Variants in PCDH15 observed in about 807,000 individuals in gnomAD.
PCDH15 encodes the protein protocadherin-15.
Under a neutral mutation model 178.5 loss-of-function variants are expected in PCDH15, and 129 were observed. That is an observed-to-expected ratio of 0.72 (90% CI 0.63 to 0.84). The LOEUF (loss-of-function observed/expected upper bound fraction) is 0.84, where lower values mean the gene tolerates loss of function less well. PCDH15 is among the 40% of genes least tolerant of loss of function. The pLI is 0.00. For synonymous variants in PCDH15, 800 were observed against 732.0 expected (o/e 1.09, Z -1.50); for missense variants, 2,230 against 2,099.9 (o/e 1.06, Z -1.21).
intron 2 of PCDH15, among the ~76,000 whole-genome samples, chr10:54,970,614 C>T (rs1004493872): frequency 2.0e-5 from 1 of 50,238 alleles, no homozygotes. Flanking sequence ...ATGGAAAATT[C>T]CCTTAAAAAA....
intron 9 of PCDH15, among the ~76,000 whole-genome samples, chr10:54,219,274 CAA>C (rs995053736): frequency 1.1e-4 from 5 of 45,176 alleles, no homozygotes; most frequent in Non-Finnish European, 1.3e-4. Context: ...GACTTTGTCT[CAA>C]AAAAAAAAAA....
chr10:54,924,572 T>G lies in PCDH15; in HGVS notation c.-79-27072A>C, dbSNP rs1246773256. Among the ~76,000 whole-genome samples the G allele has an allele frequency of 5.7e-5, 5 of 88,080 alleles. 2 individuals carry two copies. The highest frequency in any genetic ancestry group is 1.6e-4 in the Non-Finnish European group (5 of 30,534). 57.8% of individuals were successfully genotyped at this position (88,080 alleles called of 152,430 possible). A position where few individuals can be genotyped will look rare whatever the true frequency, so the allele number is the denominator to read the frequency against. ...TTACACTCCCCCCATAGCATATAAG[T>G]GTTCTTTTTTCTCCACAACCTCATT... On this transcript the variant is annotated intron_variant, in intron 2 of 5. Coordinates refer to the PCDH15 transcript ENST00000458638.
At chr10:54,051,977 G>A (rs1026556765) in intron 18 of PCDH15, among the ~76,000 whole-genome samples, 1 of 152,220 alleles carries the variant, frequency 6.6e-6, no homozygotes, top group Non-Finnish European at 1.5e-5. Flanking sequence ...AGCCTTGGCC[G>A]CTTACATGTG....
chr10:54,286,034 A>G (rs910005561), intron 8 of PCDH15, among the ~76,000 whole-genome samples: 1 of 152,226 alleles, frequency 6.6e-6, no homozygotes, highest in Non-Finnish European at 1.5e-5. Flanking sequence ...CAGTTGCTAG[A>G]GACTGAGAAG....
chr10:54,747,179 C>T (rs1440531275), intron 1 of PCDH15, among the ~76,000 whole-genome samples: 1 of 152,136 alleles, frequency 6.6e-6, no homozygotes, highest in Non-Finnish European at 1.5e-5. Flanking sequence ...TTTTTACAAA[C>T]TGTTTAGGTA....
At chr10:54,449,853 G>A (rs1455092733) in intron 3 of PCDH15, among the ~76,000 whole-genome samples, 1 of 151,676 alleles carries the variant, frequency 6.6e-6, no homozygotes, top group Non-Finnish European at 1.5e-5. Flanking sequence ...TAGGGCGGCA[G>A]GTCCTGGAAT....
At chr10:54,602,765 C>T (rs115628575) in intron 2 of PCDH15, among the ~76,000 whole-genome samples, 1,911 of 152,026 alleles carry the variant, frequency 0.013, 42 homozygotes, top group African/African-American at 0.044. Context: ...TAGTGTATCA[C>T]ATTGAATGAC....
chr10:54,251,413 T>G (rs2056461097), intron 8 of PCDH15, among the ~76,000 whole-genome samples: 1 of 152,238 alleles, frequency 6.6e-6, no homozygotes, highest in Non-Finnish European at 1.5e-5. Context: ...TTACTTCTCC[T>G]GGTTTATTAA....
At chr10:53,810,530 T>G (rs1316952602) in intron 37 of PCDH15, 26 bp downstream of exon 37, 2 of 1,587,972 alleles carry the variant, frequency 1.3e-6, no homozygotes, top group African/African-American at 2.7e-5. Flanking sequence ...GAATATTATC[T>G]TACATAATAA....
chr10:54,574,797 T>C (rs2090269038), intron 2 of PCDH15, among the ~76,000 whole-genome samples: 1 of 148,546 alleles, frequency 6.7e-6, no homozygotes, highest in South Asian at 2.2e-4. Flanking sequence ...ATCCCATTAC[T>C]GGGTATATAC....
chr10:53,822,840 T>G, intron 32 of PCDH15: 1 of 1,614,116 alleles, frequency 6.2e-7, no homozygotes, highest in Non-Finnish European at 8.5e-7. Flanking sequence ...ATTTGCCTCT[T>G]CAGTTGTAAG....
intron 2 of PCDH15, among the ~76,000 whole-genome samples, chr10:55,095,548 A>T (rs1842428875): frequency 6.6e-6 from 1 of 152,076 alleles, no homozygotes; most frequent in African/African-American, 2.4e-5. Flanking sequence ...ACCTCAAAAT[A>T]AACCCAGCTG....
At chr10:54,556,525 G>A (rs1316633166) in intron 2 of PCDH15, among the ~76,000 whole-genome samples, 1 of 151,470 alleles carries the variant, frequency 6.6e-6, no homozygotes, top group African/African-American at 2.4e-5. Flanking sequence ...AGAAGAAAAT[G>A]CACTATTTAG....
At chr10:54,146,952 A>ATATATATATAATGTATATATATAGTG (rs1564530659) in intron 14 of PCDH15, among the ~76,000 whole-genome samples, 3,720 of 98,588 alleles carry the variant, frequency 0.038, 454 homozygotes, top group African/African-American at 0.12. Context: ...TATATAGTGT[A>ATATATATATAATGTATATATATAGTG]TATATATATA....
chr10:54,268,792 G>A (rs1385539708), intron 8 of PCDH15, among the ~76,000 whole-genome samples: 3 of 151,774 alleles, frequency 2.0e-5, no homozygotes, highest in Admixed American at 1.3e-4. Context: ...CACACACAGA[G>A]AACAATTTTG....
At chr10:54,261,767 A>C (rs2057334089) in intron 8 of PCDH15, among the ~76,000 whole-genome samples, 1 of 152,206 alleles carries the variant, frequency 6.6e-6, no homozygotes, top group African/African-American at 2.4e-5. Flanking sequence ...GAAAGTAAAA[A>C]GGAAAAATAG....
Position 55,284,781 on chromosome 10 carries a change from T to A in PCDH15, c.-156+34818A>T, listed in dbSNP as rs148459828. ...GCCACTTGGCCAGGGAAGTCAGACATATATTTATCATGGGGGAGTTACAAG... is the reference window on the plus strand; with the variant it reads ...GCCACTTGGCCAGGGAAGTCAGACAAATATTTATCATGGGGGAGTTACAAG... On this transcript the variant is annotated intron_variant, in intron 1 of 5. Coordinates refer to the PCDH15 transcript ENST00000458638. Among the ~76,000 whole-genome samples, 881 of 152,108 alleles carry A rather than the reference T, an allele frequency of 5.8e-3. 9 individuals carry two copies. The highest frequency in any genetic ancestry group is 0.019 in the African/African-American group (795 of 41,542).
intron 5 of PCDH15, among the ~76,000 whole-genome samples, chr10:54,363,647 A>T (rs1946379681): frequency 6.6e-6 from 1 of 152,150 alleles, no homozygotes; most frequent in Admixed American, 6.6e-5. Flanking sequence ...GCTGAGTCAT[A>T]GGGTGTCTGC....
chr10:54,005,311 G>A (rs765672637), intron 20 of PCDH15, among the ~76,000 whole-genome samples: 4 of 151,760 alleles, frequency 2.6e-5, no homozygotes, highest in Non-Finnish European at 5.9e-5. Flanking sequence ...TGAACAAATG[G>A]GATCACATCA....
Sources: gnomAD v4.1 joint callset for allele counts (sites outside exome capture counted in the v4.1 genomes callset) on GRCh38, gnomAD v4.1.1 for gene constraint, MANE v1.5 for transcripts, NCBI Gene and HGNC (gene_info 2026-07-23, HGNC 2026-07-21) for gene names.